The following KALRN variants were observed in gnomAD, a reference collection of about 807,000 sequenced individuals.
The protein encoded by KALRN is kalirin RhoGEF kinase.
In KALRN, 70 loss-of-function variants were observed where a neutral mutation model predicts 353.7. The observed-to-expected ratio is 0.20, with a 90% CI of 0.16 to 0.24. The LOEUF is 0.24. KALRN is among the 10% of genes least tolerant of loss of function. The pLI, the probability that KALRN is intolerant of heterozygous loss-of-function variation, is 1.00. For missense variants in KALRN, 2,791 were observed against 3,756.7 expected (o/e 0.74, Z 6.72); for synonymous variants, 1,391 against 1,434.8 (o/e 0.97, Z 0.69).
At chr3:124,506,969 A>G (rs1383603885) in intron 33 of KALRN, among the ~76,000 whole-genome samples, 1 of 152,250 alleles carries the variant, frequency 6.6e-6, no homozygotes, top group Non-Finnish European at 1.5e-5. Context: ...GTAGACACAG[A>G]GGATATGGCA....
intron 37 of KALRN, among the ~76,000 whole-genome samples, chr3:124,648,739 T>C (rs974412508): frequency 6.6e-5 from 10 of 152,180 alleles, no homozygotes; most frequent in Non-Finnish European, 1.5e-4. Context: ...AAAAGGCATG[T>C]AATCAGATCA....
At chr3:124,110,599 A>G (rs1034355620) in intron 1 of KALRN, among the ~76,000 whole-genome samples, 1 of 151,448 alleles carries the variant, frequency 6.6e-6, no homozygotes, top group African/African-American at 2.4e-5. Context: ...TTATCTTTGT[A>G]TCTTGATCAC....
In KALRN at chr3:124,667,069, A is replaced by G. The variant is rs773232245; in HGVS notation, c.6589A>G (p.Met2197Val). 4 of 1,614,234 alleles carry G rather than the reference A, an allele frequency of 2.5e-6. No individual in the cohort carries two copies. Among genetic ancestry groups the G allele is most frequent in the East Asian group, 2.2e-5 (1 of 44,892 alleles). ...VDNDPCKFAL[M>V]NRETSERVVL... The stretch of plus-strand genomic sequence containing the variant: ...CAATGATCCCTGCAAGTTTGCACTC[A>G]TGAACAGAGAGACTTCTGAGAGGGT... Residue 2197 changes from methionine (M) to valine (V), a missense_variant, in exon 47 of 60, where the codon ATG (methionine) becomes GTG (valine). This residue lies in a region of KALRN where 1,065 missense variants were observed against 1,156.4 expected (regional missense o/e 0.92). Coordinates refer to ENST00000682506, the MANE Select transcript of KALRN (RefSeq NM_001388419.1).
chr3:124,535,897 A>G (rs930469694), intron 33 of KALRN, among the ~76,000 whole-genome samples: 2 of 152,118 alleles, frequency 1.3e-5, no homozygotes, highest in African/African-American at 4.8e-5. Flanking sequence ...CACCATTCCC[A>G]GGGTTTAGTC....
intron 13 of KALRN, among the ~76,000 whole-genome samples, chr3:124,404,089 A>G (rs1404440355): frequency 1.4e-5 from 2 of 144,790 alleles, no homozygotes; most frequent in Admixed American, 7.2e-5. Context: ...GGAGCTCATC[A>G]TCTCACTATT....
chr3:124,181,670 G>A (rs1331377488), intron 1 of KALRN, among the ~76,000 whole-genome samples: 1 of 152,188 alleles, frequency 6.6e-6, no homozygotes. Context: ...ACGTGGAGGG[G>A]AGGGAGAGGA....
chr3:124,618,086 C>CTTTTTT lies in KALRN; in HGVS notation c.5183-14299_5183-14294dup, dbSNP rs71145464. Among the ~76,000 whole-genome samples, 55 of 63,354 alleles carry CTTTTTT rather than the reference C, an allele frequency of 8.7e-4. 10 individuals carry two copies. Among genetic ancestry groups the CTTTTTT allele is most frequent in the South Asian group, 1.5e-3 (2 of 1,324 alleles). 41.6% of individuals were successfully genotyped at this position (63,354 alleles called of 152,430 possible). On this transcript the variant is annotated intron_variant, in intron 34 of 59. Coordinates refer to ENST00000682506, the MANE Select transcript of KALRN (RefSeq NM_001388419.1). ...GGAAAGAAAATACCAGTGCAGAAAT[C>CTTTTTT]TTTTTTTTTTTTTTTTTTTTTTTTT...
chr3:124,234,664 C>T (rs2148576344), intron 2 of KALRN, among the ~76,000 whole-genome samples, 165 bp from the exon 3 acceptor site: 1 of 152,304 alleles, frequency 6.6e-6, no homozygotes, highest in South Asian at 2.1e-4. Flanking sequence ...GTCATATGTG[C>T]TACCTGCATC....
chr3:124,424,039 C>A (rs900410913), intron 15 of KALRN, among the ~76,000 whole-genome samples: 3 of 152,118 alleles, frequency 2.0e-5, no homozygotes, highest in African/African-American at 7.2e-5. Flanking sequence ...ATCCTCACAA[C>A]CATTCTCTGA....
chr3:124,159,044 C>A (rs550539493), intron 1 of KALRN, among the ~76,000 whole-genome samples: 1 of 152,178 alleles, frequency 6.6e-6, no homozygotes, highest in Non-Finnish European at 1.5e-5. Flanking sequence ...ACTGATAAAG[C>A]CTGCCCTCTG....
chr3:124,604,578 A>G (rs973508210), intron 34 of KALRN, among the ~76,000 whole-genome samples: 3 of 152,222 alleles, frequency 2.0e-5, no homozygotes, highest in African/African-American at 4.8e-5. Flanking sequence ...TAAGGGGAAT[A>G]ATAGTGATTA....
intron 34 of KALRN, among the ~76,000 whole-genome samples, chr3:124,621,007 A>C (rs1250078263): frequency 6.6e-6 from 1 of 152,224 alleles, no homozygotes; most frequent in Admixed American, 6.5e-5. Flanking sequence ...TTAGAACAAA[A>C]TTTAGGAGAC....
At chr3:124,492,708 G>T in intron 31 of KALRN, 32 bp from the exon 32 acceptor site, 1 of 1,608,422 alleles carries the variant, frequency 6.2e-7, no homozygotes, top group Admixed American at 1.7e-5. Flanking sequence ...TGGGAGTTGG[G>T]GTTCTCAGTC....
intron 19 of KALRN, among the ~76,000 whole-genome samples, chr3:124,442,834 A>T (rs559559060): frequency 3.3e-4 from 50 of 152,234 alleles, no homozygotes; most frequent in Admixed American, 5.9e-4. Flanking sequence ...AAAATTAAAA[A>T]ATTAGCCTGG....
At chr3:124,161,306 A>C (rs1211876924) in intron 1 of KALRN, among the ~76,000 whole-genome samples, 2 of 152,206 alleles carry the variant, frequency 1.3e-5, no homozygotes, top group Non-Finnish European at 2.9e-5. Flanking sequence ...GCGAGGAATT[A>C]GGACTGGTTA....
chr3:124,496,010 TATAC>T lies in KALRN; in HGVS notation c.4833-299_4833-296del, dbSNP rs1561137848. Among the ~76,000 whole-genome samples the T allele has an allele frequency of 4.9e-4, 30 of 61,798 alleles. 4 individuals carry two copies. The highest frequency in any genetic ancestry group is 1.1e-3 in the African/African-American group (10 of 9,384). 40.5% of individuals were successfully genotyped at this position (61,798 alleles called of 152,430 possible). ...ATATATATATATATATATATATATA[TATAC>T]ACACACATATATACATACATACACC... On this transcript the variant is annotated intron_variant, in intron 32 of 59. Transcript: ENST00000682506.
In KALRN at chr3:124,326,104, C is replaced by T. The variant is rs1226894346; in HGVS notation, c.1217C>T (p.Ala406Val). The T allele has an allele frequency of 1.9e-6, 3 of 1,613,740 alleles. No homozygotes were observed. Among genetic ancestry groups the T allele is most frequent in the Non-Finnish European group, 2.5e-6 (3 of 1,179,838 alleles). The change falls in exon 7 of 60, where the codon GCT becomes GTT. Residue 406 changes from alanine to valine, a missense_variant. Ala to Val is a moderately conservative substitution (Grantham distance 64). Transcript: ENST00000682506. ...TQLDQEWKSF[A>V]AALDERSTIL... is the part of the protein sequence containing the mutation. ...CTGGACCAGGAGTGGAAGAGCTTCG[C>T]TGCTGCCCTGGATGAACGCAGCACC...
chr3:124,519,227 T>A, intron 33 of KALRN: 1 of 967,360 alleles, frequency 1.0e-6, no homozygotes, highest in Non-Finnish European at 1.2e-6. Flanking sequence ...AATGAAAAAC[T>A]GGCCACATGT....
At position 124,334,319 on chromosome 3, in the gene KALRN, G is replaced by A. The variant is rs758537308; in HGVS notation, c.1471G>A (p.Gly491Arg). The A allele has an allele frequency of 6.2e-7, 1 of 1,614,118 alleles. No individual in the cohort carries two copies. Among genetic ancestry groups the A allele is most frequent in the Admixed American group, 1.7e-5 (1 of 60,010 alleles). ...LDVLQRPLSP[G>R]NSESLTATAN... ...TGTGCTGCAGCGGCCCCTGAGCCCT[G>A]GGAACTCCGAATCCCTCACGGCCAC... Residue 491 changes from glycine (G) to arginine (R), a missense_variant, in exon 9 of 60, where the codon GGG becomes AGG. Gly to Arg is a moderately radical substitution (Grantham distance 125, BLOSUM62 -2). Around this residue, in one of 11 missense-constraint regions of KALRN, gnomAD observed 366 missense variants for 489.2 expected, o/e 0.75. Transcript: ENST00000682506. The surrounding 1 kb of genome is among the most constrained non-coding windows in gnomAD (Gnocchi z 4.2).
Sources: gnomAD v4.1 joint callset for allele counts (sites outside exome capture counted in the v4.1 genomes callset) on GRCh38, gnomAD v4.1.1 for gene constraint, gnomAD v4.1.1 regional missense constraint, Gnocchi (gnomAD v3.1) non-coding constraint, MANE v1.5 for transcripts, NCBI Gene and HGNC (gene_info 2026-07-23, HGNC 2026-07-21) for gene names.